The following ADAM32 variants were observed in gnomAD, a reference collection of about 807,000 sequenced individuals.
The protein encoded by ADAM32 is disintegrin and metalloproteinase domain-containing protein 32.
Under a neutral mutation model 114.9 loss-of-function variants are expected in ADAM32, and 89 were observed. The ratio of observed to expected loss-of-function variants is 0.77; its 90% CI spans 0.65 to 0.92. The LOEUF is 0.92. Among genes scored for constraint, ADAM32 ranks in the 40% least tolerant of loss-of-function variants. The pLI is 0.00. For synonymous variants in ADAM32, 285 were observed against 307.5 expected, an observed-to-expected ratio of 0.93 and a Z score of 0.77; for missense variants, 870 against 932.8, an observed-to-expected ratio of 0.93 and a Z score of 0.88.
chr8:39,189,428 CA>C (rs1405545768), intron 11 of ADAM32, among the ~76,000 whole-genome samples: 2 of 152,004 alleles, frequency 1.3e-5, no homozygotes, highest in Non-Finnish European at 2.9e-5. Context: ...TCCATTATAT[CA>C]TTTTTTTTGG....
Position 39,271,023 on chromosome 8 carries a change from GC to G in ADAM32, c.2201+110del, listed in dbSNP as rs1172202861. 6 of 973,274 alleles carry G rather than the reference GC, an allele frequency of 6.2e-6. No homozygotes were observed. The East Asian group carries it at 1.6e-4, about 25-fold the overall frequency. 60.3% of individuals were successfully genotyped at this position (973,274 alleles called of 1,614,324 possible). ...TTTGAACATCAATTGGTAAAGCAAT[GC>G]ACTGAAATCCAGACTGCTAATATAT... On this transcript the variant is annotated intron_variant, in intron 20 of 24. Coordinates refer to ENST00000379907, the MANE Select transcript of ADAM32 (RefSeq NM_145004.7).
intron 17 of ADAM32, among the ~76,000 whole-genome samples, chr8:39,253,663 T>C (rs1243491458): frequency 6.6e-6 from 1 of 151,500 alleles, no homozygotes; most frequent in Non-Finnish European, 1.5e-5. Context: ...AACAATCCCA[T>C]TTACAACAGC....
chr8:39,114,967 G>T (rs1257944017), intron 1 of ADAM32, among the ~76,000 whole-genome samples: 1 of 152,172 alleles, frequency 6.6e-6, no homozygotes, highest in Non-Finnish European at 1.5e-5. Context: ...GAGAATATGT[G>T]GTATTTGGTT....
At chr8:39,248,937 G>GT (rs1453411812) in intron 17 of ADAM32, among the ~76,000 whole-genome samples, 5 of 142,690 alleles carry the variant, frequency 3.5e-5, no homozygotes, top group African/African-American at 1.3e-4. Context: ...GACTCTCACT[G>GT]TGTTGCCCAG....
At chr8:39,265,898 T>C (rs530121917) in intron 19 of ADAM32, among the ~76,000 whole-genome samples, 1 of 152,342 alleles carries the variant, frequency 6.6e-6, no homozygotes, top group East Asian at 1.9e-4. Context: ...TTGAAAAATA[T>C]TTTATTTTTC....
chr8:39,203,208 A>G (rs1182071703), intron 11 of ADAM32, among the ~76,000 whole-genome samples: 1 of 152,146 alleles, frequency 6.6e-6, no homozygotes, highest in Non-Finnish European at 1.5e-5. Context: ...TGTCTCATTG[A>G]TCTGTCTAAT....
At chr8:39,142,889 G>A (rs1803258502) in intron 3 of ADAM32, among the ~76,000 whole-genome samples, 1 of 152,090 alleles carries the variant, frequency 6.6e-6, no homozygotes. Flanking sequence ...ATTTCTTGGA[G>A]GCTTTGTTAG....
intron 10 of ADAM32, among the ~76,000 whole-genome samples, chr8:39,178,575 C>T (rs1805658844): frequency 6.6e-6 from 1 of 152,156 alleles, no homozygotes; most frequent in Non-Finnish European, 1.5e-5. Flanking sequence ...ATATTGGGGT[C>T]ATTTGGAGGA....
intron 10 of ADAM32, among the ~76,000 whole-genome samples, chr8:39,170,954 T>C (rs1294307951): frequency 6.6e-6 from 1 of 152,060 alleles, no homozygotes; most frequent in Non-Finnish European, 1.5e-5. Flanking sequence ...ATATATATTT[T>C]GACAGAGTCT....
chr8:39,152,677 C>T (rs947497617), intron 6 of ADAM32, among the ~76,000 whole-genome samples: 16 of 146,294 alleles, frequency 1.1e-4, no homozygotes, highest in African/African-American at 4.4e-4. Context: ...GCTGAGATCA[C>T]ACCACTGCAC....
chr8:39,272,917 A>G (rs1212808193), intron 20 of ADAM32, among the ~76,000 whole-genome samples: 1 of 152,168 alleles, frequency 6.6e-6, no homozygotes, highest in Non-Finnish European at 1.5e-5. Flanking sequence ...TTATATCTTT[A>G]TCGGCTTTTT....
chr8:39,273,993 C>A (rs919343701), intron 20 of ADAM32, among the ~76,000 whole-genome samples: 5 of 148,890 alleles, frequency 3.4e-5, no homozygotes, highest in African/African-American at 1.3e-4. Context: ...AACCTATGTT[C>A]TATGTTTAGA....
At chr8:39,202,784 C>T (rs902167315) in intron 11 of ADAM32, among the ~76,000 whole-genome samples, 6 of 152,078 alleles carry the variant, frequency 3.9e-5, no homozygotes, top group Non-Finnish European at 8.8e-5. Flanking sequence ...TATAAATTTC[C>T]CTCTACACAC....
At chr8:39,209,584 G>A (rs1808076786) in intron 11 of ADAM32, among the ~76,000 whole-genome samples, 1 of 152,126 alleles carries the variant, frequency 6.6e-6, no homozygotes, top group Non-Finnish European at 1.5e-5. Context: ...CATCTTTACA[G>A]TCTGGCCTTG....
chr8:39,187,528 C>A (rs1426349642), intron 11 of ADAM32, among the ~76,000 whole-genome samples: 1 of 152,180 alleles, frequency 6.6e-6, no homozygotes, highest in Non-Finnish European at 1.5e-5. Context: ...GCCTCGGCCT[C>A]CCAAAGTGCT....
At chr8:39,233,194 AG>A (rs1809863943) in intron 15 of ADAM32, among the ~76,000 whole-genome samples, 1 of 152,186 alleles carries the variant, frequency 6.6e-6, no homozygotes, top group Non-Finnish European at 1.5e-5. Context: ...AAGGAATAAA[AG>A]AATGACTGCT....
chr8:39,177,279 T>C (rs1662625188), intron 10 of ADAM32, among the ~76,000 whole-genome samples: 1 of 152,164 alleles, frequency 6.6e-6, no homozygotes, highest in Non-Finnish European at 1.5e-5. Context: ...CAGGCTGGTC[T>C]TGAACTCTTG....
At chr8:39,161,068 CAT>C (rs1293054612) in intron 7 of ADAM32, 103 bp downstream of exon 7, 2 of 1,057,920 alleles carry the variant, frequency 1.9e-6, no homozygotes, top group Non-Finnish European at 1.3e-6. Context: ...TTCTTACTCA[CAT>C]GTCATAGAGA....
intron 4 of ADAM32, among the ~76,000 whole-genome samples, chr8:39,149,052 T>C (rs1235661424): frequency 6.6e-6 from 1 of 152,186 alleles, no homozygotes; most frequent in Non-Finnish European, 1.5e-5. Context: ...GGTATAGTAT[T>C]TTGCATATGT....
Sources: gnomAD v4.1 joint callset for allele counts (sites outside exome capture counted in the v4.1 genomes callset) on GRCh38, gnomAD v4.1.1 for gene constraint, MANE v1.5 for transcripts, NCBI Gene and HGNC (gene_info 2026-07-23, HGNC 2026-07-21) for gene names.